Variants in ARSK observed in about 807,000 individuals in gnomAD.
ARSK encodes arylsulfatase K.
Under a neutral mutation model 53.2 loss-of-function variants are expected in ARSK, and 37 were observed. The ratio of observed to expected loss-of-function variants is 0.70; its 90% confidence interval spans 0.54 to 0.92. The LOEUF is 0.92. Among genes scored for constraint, ARSK ranks in the 40% least tolerant of loss-of-function variants. ARSK has a pLI of 0.00. For synonymous variants in ARSK, 208 were observed against 223.2 expected (o/e 0.93, Z 0.61); for missense variants, 613 against 643.0 (o/e 0.95, Z 0.51).
intron 1 of ARSK, among the ~76,000 whole-genome samples, chr5:95,559,324 A>G (rs768441171): frequency 6.6e-6 from 1 of 152,104 alleles, no homozygotes; most frequent in Admixed American, 6.5e-5. Context: ...AGATAAAAAT[A>G]TATGGTATTT....
chr5:95,583,080 A>G lies in ARSK; in HGVS notation c.581A>G (p.Tyr194Cys), dbSNP rs758413032. 6.2e-7 allele frequency: 1 copy of G among 1,613,806 alleles called. No individual in the cohort carries two copies. Among genetic ancestry groups the G allele is most frequent in the African/African-American group, 1.3e-5 (1 of 75,040 alleles). Residue 194 changes from tyrosine to cysteine, a missense_variant, in exon 4 of 8, where the codon TAC becomes TGC. By Grantham distance (194) the Tyr-to-Cys change is radical. Coordinates refer to ENST00000380009, the MANE Select transcript of ARSK (RefSeq NM_198150.3). ...TGGTTAAGAAAGGAAGCAATTAATT[A>G]CACTGAACCATTTGTTATTTACTTG... Reference protein sequence around the residue: ...VNWLRKEAINYTEPFVIYLGL... With the variant: ...VNWLRKEAINCTEPFVIYLGL...
intron 3 of ARSK, among the ~76,000 whole-genome samples, chr5:95,577,784 A>C (rs1748950934): frequency 6.6e-6 from 1 of 152,190 alleles, no homozygotes; most frequent in African/African-American, 2.4e-5. Flanking sequence ...TACTATCATT[A>C]TTATCATATA....
At chr5:95,595,699 G>C (rs1340228466) in intron 6 of ARSK, among the ~76,000 whole-genome samples, 1 of 152,074 alleles carries the variant, frequency 6.6e-6, no homozygotes, top group African/African-American at 2.4e-5. Flanking sequence ...GGGGCCAGAG[G>C]GCCAGAGGTT....
chr5:95,556,662 AT>A (rs1018812122), intron 1 of ARSK: 23 of 159,174 alleles, frequency 1.4e-4, no homozygotes, highest in East Asian at 7.3e-4. Flanking sequence ...TAGGTTTGTT[AT>A]TTTTTTTAGT....
At chr5:95,564,293 C>G (rs1411840580) in intron 1 of ARSK, among the ~76,000 whole-genome samples, 1 of 151,992 alleles carries the variant, frequency 6.6e-6, no homozygotes, top group Non-Finnish European at 1.5e-5. Flanking sequence ...GCACTTTTGT[C>G]TTCGCCTTTC....
At chr5:95,578,363 G>A (rs1219813412) in intron 3 of ARSK, among the ~76,000 whole-genome samples, 1 of 138,706 alleles carries the variant, frequency 7.2e-6, no homozygotes, top group East Asian at 2.1e-4. Context: ...TCACTATGTT[G>A]CCCTGACTGG....
rs1245001325 is a variant in ARSK, at chr5:95,555,536, G to C, written c.126+132G>C. 1 of 1,010,456 alleles carries C rather than the reference G, an allele frequency of 9.9e-7. No individual in the cohort carries two copies. Among genetic ancestry groups the C allele is most frequent in the Non-Finnish European group, 1.4e-6 (1 of 732,024 alleles). 62.6% of individuals were successfully genotyped at this position (1,010,456 alleles called of 1,614,324 possible). ...CACCTTTTACCCCGATGCAAAGAAAGAAATACATTTTATGTGAGGCCCCGT... is the reference window on the plus strand; with the variant it reads ...CACCTTTTACCCCGATGCAAAGAAACAAATACATTTTATGTGAGGCCCCGT... On this transcript the variant is annotated intron_variant, in intron 1 of 7. Coordinates refer to ENST00000380009, the MANE Select transcript of ARSK (RefSeq NM_198150.3). This position sits in a 1 kb window ranked among gnomAD's most constrained non-coding sequence, Gnocchi z 4.0.
rs750762679 is a variant in ARSK at position 95,566,006 on chromosome 5, G to T, written c.135G>T (p.Arg45Ser). The change falls in exon 2 of 8, where the codon AGG becomes AGT. Residue 45 changes from arginine to serine, a missense_variant. By Grantham distance (110) the Arg-to-Ser change is moderately radical (BLOSUM62 -1). Transcript: ENST00000380009. Reference protein sequence around the residue: ...VLVVSDSFDGRLTFHPGSQVV... With the variant: ...VLVVSDSFDGSLTFHPGSQVV... ...AATTTCTTTATTTCCAGGATGGAAG[G>T]TTAACATTTCATCCAGGAAGTCAGG... 8 of 1,610,148 alleles carry T rather than the reference G, an allele frequency of 5.0e-6. No individual in the cohort carries two copies. In the Admixed American group the frequency reaches 1.2e-4, roughly 24 times the overall value.
Position 95,568,107 on chromosome 5 carries a change from T to C in ARSK, c.416+58T>C. 2.0e-6 allele frequency: 3 copies of C among 1,493,450 alleles called. No homozygotes were observed. In the South Asian group the frequency reaches 4.1e-5, roughly 21 times the overall value. The allele number at this position is 1,493,450 out of a possible 1,614,324, so 92.5% of individuals were successfully genotyped here. Reference sequence around the variant, plus strand: ...TGCCCTCTGCCATAGCGTGTACATGTACTCTTTTTGACTTTAATTTTTTTA... The same window carrying C: ...TGCCCTCTGCCATAGCGTGTACATGCACTCTTTTTGACTTTAATTTTTTTA... On this transcript the variant is annotated intron_variant, in intron 3 of 7. Transcript: ENST00000380009.
intron 5 of ARSK, among the ~76,000 whole-genome samples, chr5:95,589,716 G>A (rs1749180362): frequency 6.6e-6 from 1 of 152,146 alleles, no homozygotes; most frequent in Non-Finnish European, 1.5e-5. Flanking sequence ...CTTTGCTATT[G>A]TGAATAGTGC....
intron 1 of ARSK, 45 bp from the exon 2 acceptor site, chr5:95,565,953 T>A (rs1483238681): frequency 1.3e-6 from 2 of 1,519,566 alleles, no homozygotes; most frequent in Non-Finnish European, 1.8e-6. Flanking sequence ...ATAATTTTCT[T>A]CTTTGGTAAT....
chr5:95,603,330 A>G lies in ARSK; in HGVS notation c.1415A>G (p.Asn472Ser), dbSNP rs779200987. The change falls in exon 8 of 8, where the codon AAC becomes AGC. Residue 472 changes from asparagine (N) to serine (S), a missense_variant. Physicochemically the swap from Asn to Ser is conservative, Grantham distance 46. Coordinates refer to ENST00000380009, the MANE Select transcript of ARSK (RefSeq NM_198150.3). ...GATCAGAAGCTTCATTCCATTATAA[A>G]CTACCCTAAAGTTTCTGCTTCTGTC... ...SLDQKLHSII[N>S]YPKVSASVHQ... is the part of the protein sequence containing the mutation. 6.2e-7 allele frequency: 1 copy of G among 1,611,490 alleles called. No individual in the cohort carries two copies. Among genetic ancestry groups the G allele is most frequent in the Non-Finnish European group, 8.5e-7 (1 of 1,178,740 alleles).
chr5:95,555,332 C>T lies in ARSK; in HGVS notation c.54C>T (p.Ala18=). The change falls in exon 1 of 8, where the codon GCC becomes GCT. Residue 18 remains alanine (A), a synonymous_variant. Coordinates refer to ENST00000380009, the MANE Select transcript of ARSK (RefSeq NM_198150.3). The surrounding 1 kb of genome is among the most constrained non-coding windows in gnomAD (Gnocchi z 4.0). ...VVAALALAVL[A]PGAGEQRRRA... is the part of the protein sequence containing the mutation. ...CAGCCTTGGCGCTGGCGGTACTGGCCCCCGGAGCAGGGGAGCAGAGGCGGA... is the reference window on the plus strand; with the variant it reads ...CAGCCTTGGCGCTGGCGGTACTGGCTCCCGGAGCAGGGGAGCAGAGGCGGA... 1 of 1,608,950 alleles carries T rather than the reference C, an allele frequency of 6.2e-7. No individual in the cohort carries two copies. The highest frequency in any genetic ancestry group is 8.5e-7 in the Non-Finnish European group (1 of 1,179,388).
chr5:95,584,070 A>T (rs1233185122), intron 4 of ARSK, among the ~76,000 whole-genome samples: 1 of 152,004 alleles, frequency 6.6e-6, no homozygotes, highest in East Asian at 1.9e-4. Flanking sequence ...CTATAACTTC[A>T]TTTACATTTG....
In ARSK at chr5:95,566,016, C is replaced by T. The variant is rs1748720074; in HGVS notation, c.145C>T (p.His49Tyr). ...TTTCCAGGATGGAAGGTTAACATTT[C>T]ATCCAGGAAGTCAGGTAGTGAAACT... ...SDSFDGRLTFHPGSQVVKLPF... is the reference protein window; with the variant it reads ...SDSFDGRLTFYPGSQVVKLPF... The change falls in exon 2 of 8, where the codon CAT becomes TAT. Residue 49 changes from histidine (H) to tyrosine (Y), a missense_variant. By Grantham distance (83) the His-to-Tyr change is moderately conservative. Coordinates refer to ENST00000380009, the MANE Select transcript of ARSK (RefSeq NM_198150.3). The T allele has an allele frequency of 1.2e-6, 2 of 1,611,100 alleles. No homozygotes were observed. The highest frequency in any genetic ancestry group is 1.7e-6 in the Non-Finnish European group (2 of 1,178,916).
At chr5:95,574,737 T>C (rs1748893781) in intron 3 of ARSK, among the ~76,000 whole-genome samples, 1 of 152,208 alleles carries the variant, frequency 6.6e-6, no homozygotes, top group Non-Finnish European at 1.5e-5. Context: ...TATATTCTGG[T>C]TGTAAATATC....
chr5:95,558,938 C>T lies in ARSK; in HGVS notation c.126+3534C>T, dbSNP rs367707297. On this transcript the variant is annotated intron_variant, in intron 1 of 7. Transcript: ENST00000380009. ...GGTGGATCACCTGAGATCAGGAGTT[C>T]GAGACCAGCCTGGCCAACATGGCGA... 7.9e-5 allele frequency among the ~76,000 whole-genome samples: 12 copies of T among 152,204 alleles called. No individual in the cohort carries two copies. The South Asian group carries it at 1.0e-3, about 13-fold the overall frequency.
intron 4 of ARSK, among the ~76,000 whole-genome samples, chr5:95,583,989 G>A (rs1490806327): frequency 6.6e-6 from 1 of 152,132 alleles, no homozygotes; most frequent in African/African-American, 2.4e-5. Context: ...CCTTCACTAA[G>A]TTCCTCTGGC....
In ARSK at chr5:95,555,212, T is replaced by A; in HGVS notation, c.-67T>A. On this transcript the variant is annotated 5_prime_UTR_variant, in exon 1 of 8. Transcript: ENST00000380009. This position sits in a 1 kb window ranked among gnomAD's most constrained non-coding sequence, Gnocchi z 4.0. ...GTTGTTCGCTGTCCCTGCCCTGCTC[T>A]GCTAGGGAGAGAACGCCAGAGGGAG... 6.7e-7 allele frequency: 1 copy of A among 1,489,744 alleles called. No individual in the cohort carries two copies. The highest frequency in any genetic ancestry group is 9.0e-7 in the Non-Finnish European group (1 of 1,106,780). The allele number at this position is 1,489,744 out of a possible 1,614,324, so 92.3% of individuals were successfully genotyped here.
Sources: gnomAD v4.1 joint callset for allele counts (sites outside exome capture counted in the v4.1 genomes callset) on GRCh38, gnomAD v4.1.1 for gene constraint, Gnocchi (gnomAD v3.1) non-coding constraint, MANE v1.5 for transcripts, NCBI Gene and HGNC (gene_info 2026-07-23, HGNC 2026-07-21) for gene names.